The following ITPR1 variants were observed in gnomAD, a reference collection of about 807,000 sequenced individuals.
ITPR1 encodes the protein inositol 1,4,5-trisphosphate-gated calcium channel ITPR1.
Under a neutral mutation model 318.4 loss-of-function variants are expected in ITPR1, and 96 were observed. The observed-to-expected ratio is 0.30, with a 90% CI of 0.26 to 0.36. The LOEUF is 0.36. Among genes scored for constraint, ITPR1 ranks in the 10% least tolerant of loss-of-function variants. The pLI, the probability that ITPR1 is intolerant of heterozygous loss-of-function variation, is 1.00. For synonymous variants in ITPR1, 1,312 were observed against 1,289.9 expected (o/e 1.02, Z -0.37); for missense variants, 2,440 against 3,460.2 (o/e 0.71, Z 7.40).
intron 2 of ITPR1, among the ~76,000 whole-genome samples, chr3:4,512,915 G>C (rs954840983): frequency 7.0e-6 from 1 of 143,008 alleles, no homozygotes; most frequent in Admixed American, 7.0e-5. Context: ...GAGCGCCTAA[G>C]CCTGCCCTCG....
chr3:4,565,519 CTTAAAG>C (rs375128931), intron 4 of ITPR1, among the ~76,000 whole-genome samples: 136 of 152,282 alleles, frequency 8.9e-4, no homozygotes, highest in Middle Eastern at 6.8e-3. Context: ...CTCATGAACA[CTTAAAG>C]TTAAATTAAA....
At chr3:4,791,397 G>T (rs1331606066) in intron 52 of ITPR1, among the ~76,000 whole-genome samples, 2 of 152,202 alleles carry the variant, frequency 1.3e-5, no homozygotes, top group Non-Finnish European at 2.9e-5. Flanking sequence ...TCAAGCATTA[G>T]ATTTTCTTAC....
intron 14 of ITPR1, among the ~76,000 whole-genome samples, chr3:4,661,565 T>C (rs1213456804): frequency 1.3e-5 from 2 of 151,314 alleles, no homozygotes; most frequent in Non-Finnish European, 1.5e-5. Flanking sequence ...ACAGTATAAG[T>C]AAATAGACAT....
chr3:4,546,960 C>T (rs1194297062), intron 4 of ITPR1, among the ~76,000 whole-genome samples: 1 of 152,018 alleles, frequency 6.6e-6, no homozygotes, highest in Non-Finnish European at 1.5e-5. Context: ...GACTTGAGTC[C>T]CAGTCTTTGG....
chr3:4,820,719 G>A (rs2049650114), intron 60 of ITPR1, among the ~76,000 whole-genome samples: 2 of 152,232 alleles, frequency 1.3e-5, no homozygotes, highest in South Asian at 2.1e-4. Context: ...TGTTCTGTGC[G>A]CTAAGTGGTG....
chr3:4,762,000 CCCTCCCTGAGGGCCCTCTG>C (rs2045484307), intron 44 of ITPR1, among the ~76,000 whole-genome samples: 1 of 152,150 alleles, frequency 6.6e-6, no homozygotes, highest in African/African-American at 2.4e-5. Context: ...TTCCAGAAGG[CCCTCCCTGAGGGCCCTCTG>C]CCTCCCTTCG....
intron 59 of ITPR1, among the ~76,000 whole-genome samples, chr3:4,815,795 T>C (rs1361558490): frequency 1.3e-5 from 2 of 151,990 alleles, no homozygotes; most frequent in African/African-American, 4.8e-5. Flanking sequence ...TAGTGGTATG[T>C]ATGCTAAAAA....
At chr3:4,811,580 G>A (rs1051122327) in intron 56 of ITPR1, 120 bp downstream of exon 56, 5 of 723,324 alleles carry the variant, frequency 6.9e-6, no homozygotes, top group Non-Finnish European at 1.1e-5. Context: ...TCCCTAACAC[G>A]CAGAGTGTGA....
chr3:4,683,332 T>C, intron 26 of ITPR1, 54 bp from the exon 27 acceptor site: 1 of 1,595,440 alleles, frequency 6.3e-7, no homozygotes, highest in Non-Finnish European at 8.6e-7. Flanking sequence ...CCAAGGGGCG[T>C]GAGAGGAGGC....
Position 4,683,760 on chromosome 3 carries a change from G to T in ITPR1, c.3460G>T (p.Asp1154Tyr), listed in dbSNP as rs377443898. The change falls in exon 28 of 62, where the codon GAT becomes TAT. Residue 1154 changes from aspartate to tyrosine, a missense_variant. Asp to Tyr is a radical substitution (Grantham distance 160, BLOSUM62 -3). Transcript: ENST00000649015. ...YKGQGPDETM[D>Y]GASGENEHKK... is the part of the protein sequence containing the mutation. ...AGGGCAGGGCCCCGATGAGACTATG[G>T]ATGGTGCATCTGGAGAAAATGAACA... 4 of 1,613,888 alleles carry T rather than the reference G, an allele frequency of 2.5e-6. No homozygotes were observed. The highest frequency in any genetic ancestry group is 3.3e-5 in the Admixed American group (2 of 60,012).
intron 60 of ITPR1, among the ~76,000 whole-genome samples, chr3:4,832,229 G>A (rs746391345): frequency 2.6e-5 from 4 of 152,218 alleles, no homozygotes; most frequent in Non-Finnish European, 5.9e-5. Flanking sequence ...CACTGGGGGA[G>A]ACTCTGTGTG....
At chr3:4,749,040 A>G (rs570483724) in intron 44 of ITPR1, among the ~76,000 whole-genome samples, 160 of 152,332 alleles carry the variant, frequency 1.1e-3, no homozygotes, top group Non-Finnish European at 1.4e-3. Context: ...ACCCAGAACC[A>G]GGCACTGGGC....
intron 7 of ITPR1, among the ~76,000 whole-genome samples, chr3:4,643,724 G>C (rs968087147): frequency 2.0e-5 from 3 of 152,188 alleles, no homozygotes; most frequent in Non-Finnish European, 4.4e-5. Context: ...GAATGTTATA[G>C]TAAAAATATG....
chr3:4,792,685 A>G (rs1370938341), intron 52 of ITPR1, among the ~76,000 whole-genome samples: 1 of 152,190 alleles, frequency 6.6e-6, no homozygotes, highest in Non-Finnish European at 1.5e-5. Flanking sequence ...AGAGCAAATT[A>G]TTGATGAGAC....
In ITPR1 at chr3:4,494,055, G is replaced by T. The variant is rs374632335; in HGVS notation, c.-92-376G>T. Among the ~76,000 whole-genome samples the T allele has an allele frequency of 2.0e-3, 308 of 152,282 alleles. 1 individual carries two copies. Among genetic ancestry groups the T allele is most frequent in the Non-Finnish European group, 4.0e-3 (270 of 68,004 alleles). Reference sequence around the variant, plus strand: ...GGGTTTTTAAAAACGGAAGAAAACCGGAGAAGCGGTGAGGGATGAAGTGTG... The same window carrying T: ...GGGTTTTTAAAAACGGAAGAAAACCTGAGAAGCGGTGAGGGATGAAGTGTG... On this transcript the variant is annotated intron_variant, in intron 1 of 61. Coordinates refer to ENST00000649015, the MANE Select transcript of ITPR1 (RefSeq NM_001378452.1).
At chr3:4,840,936 A>T (rs977257765) in intron 61 of ITPR1, among the ~76,000 whole-genome samples, 1 of 152,270 alleles carries the variant, frequency 6.6e-6, no homozygotes, top group African/African-American at 2.4e-5. Context: ...GTTGCTAGGA[A>T]TACAAGAAGT....
rs1350711829 is a variant in ITPR1 at position 4,797,128 on chromosome 3, G to A, written c.6931+1941G>A. On this transcript the variant is annotated intron_variant, in intron 53 of 61. Coordinates refer to ENST00000649015, the MANE Select transcript of ITPR1 (RefSeq NM_001378452.1). ...GGGACTAAACTGAGAGCATAATTCA[G>A]AGCTCCGAGGAGATTTGACCTGAGG... Among the ~76,000 whole-genome samples, 3 of 151,866 alleles carry A rather than the reference G, an allele frequency of 2.0e-5. No homozygotes were observed. The South Asian group carries it at 6.3e-4, about 32-fold the overall frequency.
In ITPR1 at chr3:4,730,408, TGTGTGTGTGTG is replaced by T. The variant is rs1559788556; in HGVS notation, c.5221-2679_5221-2669del. Among the ~76,000 whole-genome samples, 262 of 146,310 alleles carry T rather than the reference TGTGTGTGTGTG, an allele frequency of 1.8e-3. 2 individuals are homozygous for T. Among genetic ancestry groups the T allele is most frequent in the African/African-American group, 5.2e-3 (202 of 38,778 alleles). ...GTGTGTGTGTGTGTGTGTGTGTGTG[TGTGTGTGTGTG>T]TTTCCCCCAGAATGAGCACATTTCA... On this transcript the variant is annotated intron_variant, in intron 42 of 61. Coordinates refer to ENST00000649015, the MANE Select transcript of ITPR1 (RefSeq NM_001378452.1).
At chr3:4,638,594 A>C (rs1372651260) in intron 5 of ITPR1, among the ~76,000 whole-genome samples, 2 of 152,226 alleles carry the variant, frequency 1.3e-5, no homozygotes, top group Non-Finnish European at 2.9e-5. Context: ...TATCTCTGCG[A>C]CTTAATAAAT....
Sources: allele counts gnomAD v4.1 joint callset (sites outside exome capture counted in the v4.1 genomes callset), GRCh38; gene constraint gnomAD v4.1.1; transcripts MANE v1.5; gene names NCBI Gene and HGNC (gene_info 2026-07-23, HGNC 2026-07-21).